UBR3: variants seen among roughly 807,000 people sequenced by gnomAD.
The protein encoded by UBR3 is E3 ubiquitin-protein ligase UBR3.
In UBR3, 85 loss-of-function variants were observed where a neutral mutation model predicts 243.2. That is an observed-to-expected ratio of 0.35 (90% CI 0.29 to 0.42). The LOEUF is 0.42. Ranked by LOEUF, UBR3 falls within the 10% of genes least tolerant of loss-of-function variation. The pLI, the probability that UBR3 is intolerant of heterozygous loss-of-function variation, is 1.00. For synonymous variants in UBR3, 748 were observed against 799.8 expected (o/e 0.94, Z 1.09); for missense variants, 1,686 against 2,300.8 (o/e 0.73, Z 5.47).
chr2:169,942,944 C>A (rs1424321376), intron 20 of UBR3, among the ~76,000 whole-genome samples: 1 of 152,070 alleles, frequency 6.6e-6, no homozygotes, highest in Non-Finnish European at 1.5e-5. Context: ...GCTACAGGGA[C>A]CAAACAACCA....
In UBR3 at chr2:169,856,045, G is replaced by C. The variant is rs2082839092; in HGVS notation, c.546-16191G>C. 2.0e-5 allele frequency among the ~76,000 whole-genome samples: 3 copies of C among 151,996 alleles called. No individual in the cohort carries two copies. In the South Asian group the frequency reaches 6.2e-4, roughly 32 times the overall value. ...TCCTCACCTGCCAGACGGGGCGGCT[G>C]CTGGGCGGAGGGGCTCCTCACTTCC... On this transcript the variant is annotated intron_variant, in intron 1 of 38. Coordinates refer to ENST00000272793, the MANE Select transcript of UBR3 (RefSeq NM_172070.4).
intron 1 of UBR3, among the ~76,000 whole-genome samples, chr2:169,843,738 T>C (rs1315064792): frequency 1.3e-5 from 2 of 152,354 alleles, no homozygotes; most frequent in South Asian, 2.1e-4. Context: ...AGAGGGATAT[T>C]GTACTGTAGT....
intron 17 of UBR3, among the ~76,000 whole-genome samples, chr2:169,928,316 G>GT (rs2085985109): frequency 1.3e-5 from 2 of 151,878 alleles, no homozygotes; most frequent in Admixed American, 6.6e-5. Context: ...GAAATTTTGT[G>GT]TTTTTGGAAA....
At chr2:170,066,181 TAATC>T (rs1216525216) in intron 35 of UBR3, among the ~76,000 whole-genome samples, 1 of 152,200 alleles carries the variant, frequency 6.6e-6, no homozygotes, top group African/African-American at 2.4e-5. Flanking sequence ...GCATAGGAAA[TAATC>T]AAGAATGGTA....
intron 32 of UBR3, among the ~76,000 whole-genome samples, chr2:170,051,080 G>C (rs1299377356): frequency 6.6e-6 from 1 of 151,486 alleles, no homozygotes; most frequent in Non-Finnish European, 1.5e-5. Context: ...ATTTTTTAGG[G>C]CATAATGAGA....
At position 170,052,768 on chromosome 2, in the gene UBR3, CAT is replaced by C. The variant is rs2091248095; in HGVS notation, c.4661-2691_4661-2690del. On this transcript the variant is annotated intron_variant, in intron 32 of 38. Transcript: ENST00000272793. ...TAAGTTCTGGAGATCTAATATACAA[CAT>C]GATGACTATAGCTGTAATATTCTCT... 3.9e-5 allele frequency among the ~76,000 whole-genome samples: 6 copies of C among 152,274 alleles called. No homozygotes were observed. The South Asian group carries it at 1.2e-3, about 32-fold the overall frequency.
intron 5 of UBR3, among the ~76,000 whole-genome samples, chr2:169,879,595 CTT>C (rs1441797775): frequency 1.3e-5 from 2 of 152,100 alleles, no homozygotes; most frequent in Non-Finnish European, 2.9e-5. Context: ...GGGCAAGTGT[CTT>C]AACTTCTTCA....
chr2:169,860,525 G>A (rs2083050718), intron 1 of UBR3, among the ~76,000 whole-genome samples: 1 of 152,136 alleles, frequency 6.6e-6, no homozygotes, highest in Non-Finnish European at 1.5e-5. Flanking sequence ...AGATGAGGGA[G>A]TAAATTTGGT....
chr2:169,928,943 A>C lies in UBR3; in HGVS notation c.2566+75A>C, dbSNP rs16857289. On this transcript the variant is annotated intron_variant, in intron 18 of 38. Coordinates refer to ENST00000272793, the MANE Select transcript of UBR3 (RefSeq NM_172070.4). Reference sequence around the variant, plus strand: ...GTGAATTCTTCTGTGTATTAAAAGAAAATGTTTACCTTTTATTCGTTCAAG... The same window carrying C: ...GTGAATTCTTCTGTGTATTAAAAGACAATGTTTACCTTTTATTCGTTCAAG... 565 of 1,199,448 alleles carry C rather than the reference A, an allele frequency of 4.7e-4. 2 individuals carry two copies. The African/African-American group carries it at 8.2e-3, about 17-fold the overall frequency. The allele number at this position is 1,199,448 out of a possible 1,614,324, so 74.3% of individuals were successfully genotyped here.
rs115062740 is a variant in UBR3, at chr2:170,067,186, A to G, written c.5019+5743A>G. ...CAGGCTATGCTGTTCCTTGCCACAC[A>G]AAACATTTTTTGAGTTTCCTATCAT... On this transcript the variant is annotated intron_variant, in intron 35 of 38. Transcript: ENST00000272793. Among the ~76,000 whole-genome samples, 1,192 of 152,184 alleles carry G rather than the reference A, an allele frequency of 7.8e-3. 15 individuals are homozygous for G. The highest frequency in any genetic ancestry group is 0.026 in the African/African-American group (1,078 of 41,536).
intron 31 of UBR3, among the ~76,000 whole-genome samples, chr2:170,038,282 T>C (rs902917130): frequency 6.6e-6 from 1 of 152,188 alleles, no homozygotes; most frequent in African/African-American, 2.4e-5. Flanking sequence ...ATAAACTTTC[T>C]TCTAATTTTA....
At chr2:169,916,895 C>A (rs941005152) in intron 11 of UBR3, among the ~76,000 whole-genome samples, 1 of 152,002 alleles carries the variant, frequency 6.6e-6, no homozygotes, top group Admixed American at 6.6e-5. Flanking sequence ...ATCTCAACCC[C>A]TCAATTACCC....
chr2:169,902,218 C>T (rs1395553508), intron 8 of UBR3, among the ~76,000 whole-genome samples: 2 of 152,194 alleles, frequency 1.3e-5, no homozygotes, highest in Non-Finnish European at 2.9e-5. Context: ...TTCTGAATAT[C>T]TTTACATAGC....
chr2:169,901,507 G>C (rs562151365), intron 8 of UBR3, among the ~76,000 whole-genome samples: 1 of 152,080 alleles, frequency 6.6e-6, no homozygotes, highest in South Asian at 2.1e-4. Context: ...AACCTTAGCT[G>C]TACTGAACTA....
At chr2:169,837,814 A>G (rs893514791) in intron 1 of UBR3, among the ~76,000 whole-genome samples, 1 of 152,154 alleles carries the variant, frequency 6.6e-6, no homozygotes, top group Admixed American at 6.5e-5. Context: ...GACACAACCA[A>G]ACCATATCAT....
chr2:170,077,985 A>T (rs2105461042), intron 36 of UBR3: 1 of 633,554 alleles, frequency 1.6e-6, no homozygotes, highest in East Asian at 3.3e-5. Context: ...ATTTCGGCTT[A>T]ATCATACTGG....
chr2:169,852,461 T>C (rs1006914197), intron 1 of UBR3, among the ~76,000 whole-genome samples: 1 of 152,184 alleles, frequency 6.6e-6, no homozygotes, highest in Non-Finnish European at 1.5e-5. Context: ...ACTTATTGCC[T>C]ATGGCGGCTT....
intron 24 of UBR3, among the ~76,000 whole-genome samples, chr2:169,961,872 A>ATT (rs1450271777): frequency 2.9e-4 from 27 of 94,308 alleles, no homozygotes; most frequent in East Asian, 1.2e-3. Context: ...ATTTTTTCCC[A>ATT]TGTTTTTTTT....
intron 20 of UBR3, 48 bp downstream of exon 20, chr2:169,942,682 A>G: frequency 6.9e-7 from 1 of 1,442,936 alleles, no homozygotes; most frequent in South Asian, 1.5e-5. Flanking sequence ...ATTTATTTTC[A>G]AATAATAATC....
Sources: gnomAD v4.1 joint callset for allele counts (sites outside exome capture counted in the v4.1 genomes callset) on GRCh38, gnomAD v4.1.1 for gene constraint, MANE v1.5 for transcripts, NCBI Gene and HGNC (gene_info 2026-07-23, HGNC 2026-07-21) for gene names.